AP1B1: variants seen among roughly 807,000 people sequenced by gnomAD.
The protein encoded by AP1B1 is adaptor related protein complex 1 subunit beta 1.
In AP1B1, 36 loss-of-function variants were observed where a neutral mutation model predicts 104.3. The observed-to-expected ratio is 0.35, with a 90% CI of 0.26 to 0.46. The LOEUF is 0.46. AP1B1 is among the 20% of genes least tolerant of loss of function. AP1B1 has a pLI of 1.00. For synonymous variants in AP1B1, 504 were observed against 517.5 expected (o/e 0.97, Z 0.35); for missense variants, 901 against 1,247.9 (o/e 0.72, Z 4.19).
intron 1 of AP1B1, among the ~76,000 whole-genome samples, chr22:29,377,048 T>C (rs182087917): frequency 1.6e-4 from 24 of 151,766 alleles, no homozygotes; most frequent in African/African-American, 5.8e-4. Context: ...ATACAAAAAT[T>C]AGCTGGGTGT....
At chr22:29,351,626 C>G (rs1357985399) in intron 8 of AP1B1, 79 bp downstream of exon 8, 10 of 1,562,890 alleles carry the variant, frequency 6.4e-6, no homozygotes, top group Non-Finnish European at 8.7e-6. Context: ...GACTGGTCAC[C>G]TGGGCCAGAG....
chr22:29,382,140 T>A, intron 1 of AP1B1, among the ~76,000 whole-genome samples: 1 of 152,132 alleles, frequency 6.6e-6, no homozygotes, highest in Admixed American at 6.5e-5. Flanking sequence ...CACTGCAGCA[T>A]CAAACTACTG....
rs1343874786 is a variant in AP1B1, at chr22:29,354,649, C to T, written c.938+1G>A. ...GGACGTGCGTGTGGTGACCTCAGTA[C>T]CTTTTCTGCACGATGAGATTGATGT... On this transcript the variant is annotated splice_donor_variant, in intron 7 of 22. Coordinates refer to ENST00000357586, the MANE Select transcript of AP1B1 (RefSeq NM_001127.4). LOFTEE classifies it high-confidence loss of function. The T allele has an allele frequency of 6.2e-7, 1 of 1,614,020 alleles. No individual in the cohort carries two copies. Among genetic ancestry groups the T allele is most frequent in the Non-Finnish European group, 8.5e-7 (1 of 1,179,974 alleles).
rs750477840 is a variant in AP1B1, at chr22:29,359,818, G to A, written c.279+6C>T. 1.2e-6 allele frequency: 2 copies of A among 1,612,182 alleles called. No homozygotes were observed. The highest frequency in any genetic ancestry group is 1.7e-6 in the Non-Finnish European group (2 of 1,178,884). On this transcript the variant is annotated splice_donor_region_variant and intron_variant, in intron 4 of 22. Transcript: ENST00000357586. ...ATGTCCCCACGCCCACCAAGCGTCTGCTCACCTTCACAAAGGTGTTGACGG... is the reference window on the plus strand; with the variant it reads ...ATGTCCCCACGCCCACCAAGCGTCTACTCACCTTCACAAAGGTGTTGACGG...
chr22:29,358,620 C>T, intron 5 of AP1B1, 106 bp downstream of exon 5: 2 of 1,450,672 alleles, frequency 1.4e-6, no homozygotes, highest in East Asian at 2.3e-5. Flanking sequence ...CCCAGCCAGG[C>T]TCCGACTTCT....
rs1370838682 is a variant in AP1B1 at position 29,340,739 on chromosome 22, G to C, written c.1915C>G (p.Pro639Ala). ...GCCAGGGGTGGGCCGCTCACTGGGGGGCCGAGGTCCAGGTTGAGGAGGTCA... is the reference window on the plus strand; with the variant it reads ...GCCAGGGGTGGGCCGCTCACTGGGGCGCCGAGGTCCAGGTTGAGGAGGTCA... ...LGDLLNLDLG[P>A]PVSGPPLATS... is the part of the protein sequence containing the mutation. The change falls in exon 14 of 23, where the codon CCC becomes GCC. Residue 639 changes from proline (P) to alanine (A), a missense_variant. Pro to Ala is a conservative substitution (Grantham distance 27). This residue lies in a region of AP1B1 where 424 missense variants were observed against 494.0 expected (regional missense o/e 0.86). Transcript: ENST00000357586. 4 of 1,595,862 alleles carry C rather than the reference G, an allele frequency of 2.5e-6. No individual in the cohort carries two copies. In the African/African-American group the frequency reaches 5.3e-5, roughly 21 times the overall value.
chr22:29,339,682 C>T, intron 15 of AP1B1, 72 bp downstream of exon 15: 1 of 1,554,972 alleles, frequency 6.4e-7, no homozygotes, highest in Non-Finnish European at 8.8e-7. Context: ...GCCCCCGCCC[C>T]TTGGGATGCT....
chr22:29,360,109 T>C, intron 3 of AP1B1, 150 bp from the exon 4 acceptor site: 1 of 806,064 alleles, frequency 1.2e-6, no homozygotes, highest in East Asian at 2.7e-5. Context: ...GTTTCAGGTC[T>C]GCTGTTAACA....
chr22:29,329,557 T>A, intron 22 of AP1B1, 155 bp downstream of exon 22: 2 of 1,492,936 alleles, frequency 1.3e-6, no homozygotes, highest in Non-Finnish European at 1.8e-6. Flanking sequence ...GGAAGTGGGG[T>A]GTCAGCACCT....
chr22:29,377,644 C>T (rs1254309090), intron 1 of AP1B1, among the ~76,000 whole-genome samples: 1 of 151,750 alleles, frequency 6.6e-6, no homozygotes, highest in Non-Finnish European at 1.5e-5. Context: ...CCTGTCTCTA[C>T]TAAACATACA....
chr22:29,335,426 C>G (rs2061624586), intron 16 of AP1B1, among the ~76,000 whole-genome samples: 2 of 152,052 alleles, frequency 1.3e-5, no homozygotes, highest in African/African-American at 4.8e-5. Flanking sequence ...CCACCCTAAC[C>G]CCCTTGAGAC....
Position 29,341,379 on chromosome 22 carries a change from G to A in AP1B1, c.1796+122C>T, listed in dbSNP as rs1381083731. ...GTGTACAATAAATAGCTGATAAAAG[G>A]TTGTCAGTTTTCCTCAGACTCAGGT... On this transcript the variant is annotated intron_variant, in intron 13 of 22. Coordinates refer to ENST00000357586, the MANE Select transcript of AP1B1 (RefSeq NM_001127.4). 3.2e-6 allele frequency: 4 copies of A among 1,254,578 alleles called. No homozygotes were observed. In the Admixed American group the frequency reaches 9.3e-5, roughly 29 times the overall value. The allele number at this position is 1,254,578 out of a possible 1,614,324, so 77.7% of individuals were successfully genotyped here.
rs905377582 is a variant in AP1B1, at chr22:29,330,422, C to T, written c.2722G>A (p.Val908Met). The change falls in exon 21 of 23, where the codon GTG becomes ATG. Residue 908 changes from valine (V) to methionine (M), a missense_variant. This residue lies in a region of AP1B1 where 424 missense variants were observed against 494.0 expected (regional missense o/e 0.86). Transcript: ENST00000357586. The stretch of plus-strand genomic sequence containing the variant: ...GGCTGGATCCGCAGCTCCGCCAGCA[C>T]CCAGATGCCGTTGGTCAGCTTCAGG... Reference protein sequence around the residue: ...QSLKLTNGIWVLAELRIQPGN... With the variant: ...QSLKLTNGIWMLAELRIQPGN... The T allele has an allele frequency of 2.5e-6, 4 of 1,613,720 alleles. No homozygotes were observed. The African/African-American group carries it at 5.3e-5, about 22-fold the overall frequency.
chr22:29,372,399 G>A (rs1569165188), intron 1 of AP1B1, among the ~76,000 whole-genome samples: 2 of 148,276 alleles, frequency 1.3e-5, no homozygotes, highest in African/African-American at 5.0e-5. Flanking sequence ...ACTCCAGCCT[G>A]CGCAACAAGA....
intron 2 of AP1B1, among the ~76,000 whole-genome samples, chr22:29,365,117 G>A (rs562654175): frequency 2.6e-5 from 4 of 152,320 alleles, no homozygotes; most frequent in South Asian, 2.1e-4. Context: ...TGGAGGCTGT[G>A]AGAGGCTCAG....
At position 29,339,025 on chromosome 22, in the gene AP1B1, C is replaced by G; in HGVS notation, c.2128G>C (p.Gly710Arg). ...GCCACATATGATCCTGACAGGGTGC[C>G]CACGCCACTGGTCAGGTCAAAGAGG... ...SDLFDLTSGV[G>R]TLSGSYVAPK... The change falls in exon 16 of 23, where the codon GGC becomes CGC. Residue 710 changes from glycine to arginine, a missense_variant. By Grantham distance (125) the Gly-to-Arg change is moderately radical. Transcript: ENST00000357586. 6.2e-7 allele frequency: 1 copy of G among 1,614,178 alleles called. No homozygotes were observed. The highest frequency in any genetic ancestry group is 8.5e-7 in the Non-Finnish European group (1 of 1,180,028).
At chr22:29,357,055 TTTTTTTG>T (rs1428575853) in intron 5 of AP1B1, among the ~76,000 whole-genome samples, 6 of 127,798 alleles carry the variant, frequency 4.7e-5, no homozygotes, top group Non-Finnish European at 9.6e-5. Context: ...GGAAGGTGTT[TTTTTTTG>T]TTTTTTGTTT....
At chr22:29,341,052 G>A (rs1256965817) in intron 13 of AP1B1, among the ~76,000 whole-genome samples, 195 bp from the exon 14 acceptor site, 4 of 152,218 alleles carry the variant, frequency 2.6e-5, no homozygotes, top group Non-Finnish European at 5.9e-5. Flanking sequence ...TCCTCCGTGA[G>A]GATGAGTGAA....
At chr22:29,354,541 T>C (rs1414776069) in intron 7 of AP1B1, 109 bp downstream of exon 7, 2 of 1,068,996 alleles carry the variant, frequency 1.9e-6, no homozygotes, top group African/African-American at 1.6e-5. Context: ...GTTAAGCTAT[T>C]TGAGACTTCC....
Sources: allele counts gnomAD v4.1 joint callset (sites outside exome capture counted in the v4.1 genomes callset), GRCh38; gene constraint gnomAD v4.1.1; regional missense constraint gnomAD v4.1.1; transcripts MANE v1.5; gene names NCBI Gene and HGNC (gene_info 2026-07-23, HGNC 2026-07-21).